The following DES variants were observed in gnomAD, a reference collection of about 807,000 sequenced individuals.
DES encodes cardiomyopathy, dilated 1F (autosomal dominant).
DES carries 34 observed loss-of-function variants against 55.1 expected under a neutral mutation model. The observed-to-expected ratio is 0.62, with a 90% CI of 0.47 to 0.82. DES has a LOEUF of 0.82. Among genes scored for constraint, DES ranks in the 40% least tolerant of loss-of-function variants. The pLI is 0.00. For synonymous variants in DES, 259 were observed against 270.8 expected, an observed-to-expected ratio of 0.96 and a Z score of 0.43; for missense variants, 596 against 645.9, an observed-to-expected ratio of 0.92 and a Z score of 0.84.
chr2:219,425,743 G>A lies in DES; in HGVS notation c.1369G>A (p.Glu457Lys). 6.2e-7 allele frequency: 1 copy of A among 1,605,470 alleles called. No individual in the cohort carries two copies. Among genetic ancestry groups the A allele is most frequent in the Non-Finnish European group, 8.5e-7 (1 of 1,176,102 alleles). ...MIKTIETRDG[E>K]VVSEATQQQH... ...CAAGACCATCGAGACACGGGATGGG[G>A]AGGTAAGTGGTCTGTCTGGGCTCCT... Residue 457 changes from glutamate (E) to lysine (K), a missense_variant and splice_region_variant, in exon 8 of 9, where the codon GAG (glutamate) becomes AAG (lysine). Coordinates refer to ENST00000373960, the MANE Select transcript of DES (RefSeq NM_001927.4).
In DES at chr2:219,426,026, C is replaced by A; in HGVS notation, c.*36C>A. ...CCTCTGCCACCAGAGACCGTCCTCACCCCTGTCCTCACTGCTCCCTGAAGC... is the reference window on the plus strand; with the variant it reads ...CCTCTGCCACCAGAGACCGTCCTCAACCCTGTCCTCACTGCTCCCTGAAGC... On this transcript the variant is annotated 3_prime_UTR_variant, in exon 9 of 9. Coordinates refer to ENST00000373960, the MANE Select transcript of DES (RefSeq NM_001927.4). This position sits in a 1 kb window ranked among gnomAD's most constrained non-coding sequence, Gnocchi z 4.5. 2 of 1,612,780 alleles carry A rather than the reference C, an allele frequency of 1.2e-6. No homozygotes were observed. The highest frequency in any genetic ancestry group is 1.7e-6 in the Non-Finnish European group (2 of 1,179,006).
chr2:219,423,189 G>C, intron 6 of DES, among the ~76,000 whole-genome samples: 1 of 152,178 alleles, frequency 6.6e-6, no homozygotes, highest in South Asian at 2.1e-4. Flanking sequence ...GAGCAAGAAG[G>C]AAATCCTGGT....
At position 219,420,342 on chromosome 2, in the gene DES, A is replaced by C. The variant is rs1419335519; in HGVS notation, c.731A>C (p.Glu244Ala). The C allele has an allele frequency of 6.2e-7, 1 of 1,613,998 alleles. No homozygotes were observed. The highest frequency in any genetic ancestry group is 1.7e-5 in the Admixed American group (1 of 60,018). ...EEIAFLKKVH[E>A]EEIRELQAQL... Reference sequence around the variant, plus strand: ...ATCGCGTTCCTTAAGAAAGTGCATGAAGAGGTATACCTTGGCCCCTCTTCC... The same window carrying C: ...ATCGCGTTCCTTAAGAAAGTGCATGCAGAGGTATACCTTGGCCCCTCTTCC... The change falls in exon 3 of 9, where the codon GAA becomes GCA. Residue 244 changes from glutamate (E) to alanine (A), a missense_variant. Physicochemically the swap from Glu to Ala is moderately radical, Grantham distance 107. Coordinates refer to ENST00000373960, the MANE Select transcript of DES (RefSeq NM_001927.4). The surrounding 1 kb of genome is among the most constrained non-coding windows in gnomAD (Gnocchi z 6.0).
chr2:219,420,700 T>A lies in DES; in HGVS notation c.897+44T>A. On this transcript the variant is annotated intron_variant, in intron 4 of 8. Transcript: ENST00000373960. The surrounding 1 kb of genome is among the most constrained non-coding windows in gnomAD (Gnocchi z 6.0). ...GGACTGGCATCTCCGTCCCCCTGAA[T>A]CCCAGCTTGGATGTGCTGCCTGTGG... The A allele has an allele frequency of 6.2e-7, 1 of 1,613,922 alleles. No individual in the cohort carries two copies. Among genetic ancestry groups the A allele is most frequent in the Non-Finnish European group, 8.5e-7 (1 of 1,179,974 alleles).
Position 219,418,723 on chromosome 2 carries a change from G to A in DES, c.261G>A (p.Glu87=), listed in dbSNP as rs770325337. The A allele has an allele frequency of 1.9e-6, 3 of 1,563,100 alleles. No individual in the cohort carries two copies. In the Admixed American group the frequency reaches 5.8e-5, roughly 30 times the overall value. The stretch of plus-strand genomic sequence containing the variant: ...CGCCCTCCTCCTACGGCGCAGGCGA[G>A]CTGCTGGACTTCTCACTGGCCGACG... ...TRTPSSYGAG[E]LLDFSLADAV... The change falls in exon 1 of 9, where the codon GAG becomes GAA. Residue 87 remains glutamate, a synonymous_variant. Coordinates refer to ENST00000373960, the MANE Select transcript of DES (RefSeq NM_001927.4).
rs1244376938 is a variant in DES, at chr2:219,425,757, G to A, written c.1371+12G>A. 6.2e-7 allele frequency: 1 copy of A among 1,606,604 alleles called. No homozygotes were observed. Among genetic ancestry groups the A allele is most frequent in the Admixed American group, 1.7e-5 (1 of 58,660 alleles). On this transcript the variant is annotated intron_variant, in intron 8 of 8. Transcript: ENST00000373960. ...CACGGGATGGGGAGGTAAGTGGTCT[G>A]TCTGGGCTCCTTACCCTTGGTGGGG...
Position 219,418,870 on chromosome 2 carries a change from C to T in DES, c.408C>T (p.Leu136=), listed in dbSNP as rs111828114. 49,494 of 1,573,926 alleles carry T rather than the reference C, an allele frequency of 0.031. 938 individuals are homozygous for T. Among genetic ancestry groups the T allele is most frequent in the Non-Finnish European group, 0.036 (41,845 of 1,160,190 alleles). ...VRFLEQQNAA[L]AAEVNRLKGR... ...TCCTGGAGCAGCAGAACGCGGCGCT[C>T]GCCGCCGAAGTGAACCGGCTCAAGG... Residue 136 remains leucine, a synonymous_variant, in exon 1 of 9, where the codon CTC becomes CTT. Coordinates refer to ENST00000373960, the MANE Select transcript of DES (RefSeq NM_001927.4).
chr2:219,425,827 G>C (rs1954525648), intron 8 of DES, 82 bp downstream of exon 8: 10 of 1,601,748 alleles, frequency 6.2e-6, no homozygotes, highest in Non-Finnish European at 8.6e-6. Context: ...CAGCTGTGCT[G>C]GTCTAGGTCC....
intron 6 of DES, among the ~76,000 whole-genome samples, 183 bp downstream of exon 6, chr2:219,421,743 T>C (rs1425990493): frequency 1.3e-5 from 2 of 152,080 alleles, no homozygotes; most frequent in African/African-American, 4.8e-5. Context: ...CTTGGCTCAC[T>C]GCAACCTCCG....
intron 6 of DES, 74 bp downstream of exon 6, chr2:219,421,634 G>A: frequency 2.2e-6 from 3 of 1,390,560 alleles, no homozygotes; most frequent in South Asian, 2.5e-5. Context: ...CAGGAGGCTC[G>A]AGATTACTGA....
chr2:219,421,748 C>T (rs1385553247), intron 6 of DES, among the ~76,000 whole-genome samples, 188 bp downstream of exon 6: 1 of 151,978 alleles, frequency 6.6e-6, no homozygotes, highest in Non-Finnish European at 1.5e-5. Context: ...CTCACTGCAA[C>T]CTCCGCCTCC....
chr2:219,419,047 G>A lies in DES; in HGVS notation c.578+7G>A. The A allele has an allele frequency of 6.5e-7, 1 of 1,538,118 alleles. No homozygotes were observed. Among genetic ancestry groups the A allele is most frequent in the South Asian group, 1.2e-5 (1 of 84,050 alleles). On this transcript the variant is annotated splice_region_variant and intron_variant, in intron 1 of 8. Transcript: ENST00000373960. The surrounding 1 kb of genome is among the most constrained non-coding windows in gnomAD (Gnocchi z 4.3). Reference sequence around the variant, plus strand: ...TGCAGCGGCTCAAGGCCAAGTGAGGGCCCGGCACCCCAGACTCCTCTTTCT... The same window carrying A: ...TGCAGCGGCTCAAGGCCAAGTGAGGACCCGGCACCCCAGACTCCTCTTTCT...
chr2:219,425,910 G>T, intron 8 of DES, 39 bp from the exon 9 acceptor site: 2 of 1,613,708 alleles, frequency 1.2e-6, no homozygotes, highest in Admixed American at 3.3e-5. Context: ...CCATTCTCTG[G>T]CTAGCACATG....
At chr2:219,421,607 T>C in intron 6 of DES, 47 bp downstream of exon 6, 1 of 1,582,072 alleles carries the variant, frequency 6.3e-7, no homozygotes, top group Non-Finnish European at 8.7e-7. Flanking sequence ...GGGTGCTGGG[T>C]GGTCCATTTC....
chr2:219,426,078 C>A lies in DES; in HGVS notation c.*88C>A. 1.4e-6 allele frequency: 2 copies of A among 1,463,288 alleles called. No homozygotes were observed. Among genetic ancestry groups the A allele is most frequent in the Non-Finnish European group, 1.9e-6 (2 of 1,054,716 alleles). The allele number at this position is 1,463,288 out of a possible 1,614,324, so 90.6% of individuals were successfully genotyped here. Reference sequence around the variant, plus strand: ...AGCCTTCTTCCATCCCAGGACACCACACCCAGCCTCAGTCCTCCCCTCACA... The same window carrying A: ...AGCCTTCTTCCATCCCAGGACACCAAACCCAGCCTCAGTCCTCCCCTCACA... On this transcript the variant is annotated 3_prime_UTR_variant, in exon 9 of 9. Transcript: ENST00000373960. This position sits in a 1 kb window ranked among gnomAD's most constrained non-coding sequence, Gnocchi z 4.5.
chr2:219,420,769 C>T lies in DES; in HGVS notation c.898-59C>T, dbSNP rs1250917336. 1.2e-6 allele frequency: 2 copies of T among 1,613,592 alleles called. No homozygotes were observed. The highest frequency in any genetic ancestry group is 1.6e-4 in the Middle Eastern group (1 of 6,062). ...AGCCCAGAGGCTTCATGCTCCCTTG[C>T]TCATCCCTACCCGTGCCCTGCATCC... On this transcript the variant is annotated intron_variant, in intron 4 of 8. Coordinates refer to ENST00000373960, the MANE Select transcript of DES (RefSeq NM_001927.4). This position sits in a 1 kb window ranked among gnomAD's most constrained non-coding sequence, Gnocchi z 6.0.
At position 219,425,966 on chromosome 2, in the gene DES, A is replaced by G; in HGVS notation, c.1389A>G (p.Thr463=). ...TRDGEVVSEA[T]QQQHEVL ...CTCCCCAGGTCGTCAGTGAGGCCAC[A>G]CAGCAGCAGCATGAAGTGCTCTAAA... The change falls in exon 9 of 9, where the codon ACA becomes ACG. Residue 463 remains threonine (T), a synonymous_variant. Transcript: ENST00000373960. 6.2e-7 allele frequency: 1 copy of G among 1,613,994 alleles called. No individual in the cohort carries two copies.
At chr2:219,423,980 G>A (rs1331271815) in intron 7 of DES, 160 bp downstream of exon 7, 1 of 760,638 alleles carries the variant, frequency 1.3e-6, no homozygotes, top group Admixed American at 2.1e-5. Context: ...AGGTGGGGGA[G>A]TTTAGGTAGA....
chr2:219,423,719 G>A, intron 6 of DES, 58 bp from the exon 7 acceptor site: 7 of 1,563,746 alleles, frequency 4.5e-6, no homozygotes, highest in Non-Finnish European at 4.4e-6. Flanking sequence ...GATTACAGCT[G>A]GGCCCGGCCG....
Sources: allele counts gnomAD v4.1 joint callset (sites outside exome capture counted in the v4.1 genomes callset), GRCh38; gene constraint gnomAD v4.1.1; non-coding constraint Gnocchi (gnomAD v3.1); transcripts MANE v1.5; gene names NCBI Gene and HGNC (gene_info 2026-07-23, HGNC 2026-07-21).